PXDNL: variants seen among roughly 807,000 people sequenced by gnomAD.
PXDNL encodes the protein peroxidasin like, also known as probable oxidoreductase PXDNL.
A neutral mutation model predicts 150.8 loss-of-function variants in PXDNL; 145 were observed. The ratio of observed to expected loss-of-function variants is 0.96; its 90% CI spans 0.84 to 1.10. The LOEUF (loss-of-function observed/expected upper bound fraction) is 1.10, where lower values mean the gene tolerates loss of function less well. Among genes scored for constraint, PXDNL ranks in the 50% least tolerant of loss-of-function variants. The pLI, the probability that PXDNL is intolerant of heterozygous loss-of-function variation, is 0.00. For missense variants in PXDNL, 2,087 were observed against 1,873.9 expected (o/e 1.11, Z -2.10); for synonymous variants, 757 against 725.7 (o/e 1.04, Z -0.69).
At chr8:51,735,264 T>C (rs1817008251) in intron 1 of PXDNL, among the ~76,000 whole-genome samples, 1 of 151,952 alleles carries the variant, frequency 6.6e-6, no homozygotes, top group South Asian at 2.1e-4. Context: ...GTGGATCACT[T>C]GAGGTCAGGA....
At chr8:51,739,574 G>C (rs1230807102) in intron 1 of PXDNL, among the ~76,000 whole-genome samples, 2 of 152,126 alleles carry the variant, frequency 1.3e-5, no homozygotes, top group Non-Finnish European at 2.9e-5. Flanking sequence ...CAAGATTGCA[G>C]GATATAAGAT....
chr8:51,606,146 A>G (rs1813834605), intron 2 of PXDNL, among the ~76,000 whole-genome samples: 1 of 152,252 alleles, frequency 6.6e-6, no homozygotes, highest in African/African-American at 2.4e-5. Context: ...CAGCAAACGA[A>G]GAAAATCTCC....
chr8:51,679,297 T>TA (rs1815693359), intron 1 of PXDNL, among the ~76,000 whole-genome samples: 4 of 152,124 alleles, frequency 2.6e-5, no homozygotes, highest in Admixed American at 2.6e-4. Context: ...GCCTCGCACT[T>TA]ATAGTATTAT....
intron 1 of PXDNL, among the ~76,000 whole-genome samples, chr8:51,685,439 C>T (rs949899077): frequency 2.6e-5 from 4 of 152,202 alleles, no homozygotes; most frequent in Admixed American, 6.5e-5. Context: ...AAAGCCCTCA[C>T]GAGTAAAGCC....
chr8:51,371,686 G>A lies in PXDNL; in HGVS notation c.3901+187C>T, dbSNP rs538814133. On this transcript the variant is annotated intron_variant, in intron 19 of 22. Coordinates refer to ENST00000356297, the MANE Select transcript of PXDNL (RefSeq NM_144651.5). ...GGTTAGTGTGGAATGGAAGAGGATG[G>A]GCAGGTTGGGAGCCTTTTTCCTGGT... Among the ~76,000 whole-genome samples the A allele has an allele frequency of 2.2e-4, 33 of 152,258 alleles. 1 individual carries two copies. The highest frequency in any genetic ancestry group is 7.7e-4 in the African/African-American group (32 of 41,542).
At chr8:51,660,914 G>A (rs1001900709) in intron 1 of PXDNL, among the ~76,000 whole-genome samples, 10 of 152,024 alleles carry the variant, frequency 6.6e-5, no homozygotes, top group Non-Finnish European at 1.2e-4. Context: ...CCAGCTCCCC[G>A]CCACAACCCC....
At chr8:51,473,379 A>T (rs1251517360) in intron 7 of PXDNL, among the ~76,000 whole-genome samples, 1 of 151,954 alleles carries the variant, frequency 6.6e-6, no homozygotes, top group Admixed American at 6.6e-5. Flanking sequence ...GATTATAAAA[A>T]GGGACCTGAT....
intron 6 of PXDNL, 32 bp from the exon 7 acceptor site, chr8:51,475,173 A>C: frequency 3.8e-6 from 6 of 1,577,316 alleles, no homozygotes; most frequent in Non-Finnish European, 5.2e-6. Context: ...ACAACTGTTA[A>C]AAGGGACTAT....
chr8:51,711,192 G>C (rs375565201), intron 1 of PXDNL, among the ~76,000 whole-genome samples: 157 of 152,294 alleles, frequency 1.0e-3, no homozygotes, highest in African/African-American at 3.7e-3. Flanking sequence ...CCAGGCGGGA[G>C]TGCAATGGTG....
At chr8:51,627,654 G>C (rs750117500) in intron 2 of PXDNL, among the ~76,000 whole-genome samples, 2 of 152,102 alleles carry the variant, frequency 1.3e-5, no homozygotes, top group African/African-American at 4.8e-5. Flanking sequence ...CTCTAGGAAA[G>C]TCAAAGGTTT....
At chr8:51,502,771 C>T (rs1811213576) in intron 4 of PXDNL, among the ~76,000 whole-genome samples, 1 of 151,932 alleles carries the variant, frequency 6.6e-6, no homozygotes, top group East Asian at 1.9e-4. Context: ...TTCCTGCCAT[C>T]ATTGATCAAA....
At chr8:51,388,957 C>T (rs746843723) in intron 17 of PXDNL, among the ~76,000 whole-genome samples, 21 of 152,070 alleles carry the variant, frequency 1.4e-4, no homozygotes, top group Non-Finnish European at 2.6e-4. Context: ...TCTATTCATT[C>T]TCTTACTTAA....
chr8:51,627,778 C>T (rs948653708), intron 2 of PXDNL, among the ~76,000 whole-genome samples: 2 of 152,128 alleles, frequency 1.3e-5, no homozygotes, highest in Non-Finnish European at 2.9e-5. Context: ...CAAAGGTAGT[C>T]TTGAAATCAG....
chr8:51,424,964 G>A (rs16916238), intron 13 of PXDNL, among the ~76,000 whole-genome samples: 2,046 of 152,270 alleles, frequency 0.013, 45 homozygotes, highest in African/African-American at 0.046. Flanking sequence ...GTGAGAGGGC[G>A]GATGAGAGAG....
At chr8:51,555,384 G>A (rs114107826) in intron 4 of PXDNL, among the ~76,000 whole-genome samples, 134 of 152,176 alleles carry the variant, frequency 8.8e-4, no homozygotes, top group African/African-American at 3.2e-3. Flanking sequence ...TCTTAATGCT[G>A]CTACAATGGC....
At chr8:51,594,859 C>T (rs772364321) in intron 2 of PXDNL, among the ~76,000 whole-genome samples, 9 of 151,996 alleles carry the variant, frequency 5.9e-5, no homozygotes, top group Non-Finnish European at 2.9e-5. Context: ...AAAGAAAATG[C>T]ATTCAAAATG....
In PXDNL at chr8:51,409,326, C is replaced by A. The variant is rs570632612; in HGVS notation, c.2298G>T (p.Gly766=). Residue 766 remains glycine, a synonymous_variant, in exon 17 of 23, where the codon GGG becomes GGT. Coordinates refer to ENST00000356297, the MANE Select transcript of PXDNL (RefSeq NM_144651.5). The part of the protein sequence containing the change: ...AYRDGIRAPR[G]LGLPVGSRQP... ...GGCGGGAGCCCACAGGAAGGCCGAG[C>A]CCGCGGGGCGCGCGGATGCCGTCCC... 7 of 1,438,420 alleles carry A rather than the reference C, an allele frequency of 4.9e-6. No homozygotes were observed. The South Asian group carries it at 8.9e-5, about 18-fold the overall frequency. The allele number at this position is 1,438,420 out of a possible 1,614,324, so 89.1% of individuals were successfully genotyped here.
chr8:51,496,230 AC>A (rs1198379829), intron 5 of PXDNL, among the ~76,000 whole-genome samples: 1 of 152,050 alleles, frequency 6.6e-6, no homozygotes, highest in Non-Finnish European at 1.5e-5. Flanking sequence ...AAATTCAACA[AC>A]CTTCATGCTA....
rs185946590 is a variant in PXDNL at position 51,475,065 on chromosome 8, G to T, written c.601C>A (p.His201Asn). The T allele has an allele frequency of 3.8e-5, 62 of 1,613,858 alleles. No homozygotes were observed. The Admixed American group carries it at 6.8e-4, about 18-fold the overall frequency. ...GTAGCCGCAGCCTGGGTGTGGCCGTGTTGGGCAAAGCCTTGTAAAAGCTCC... is the reference window on the plus strand; with the variant it reads ...GTAGCCGCAGCCTGGGTGTGGCCGTTTTGGGCAAAGCCTTGTAAAAGCTCC... ...LGELLQGFAQHGHTQAAATCE... is the reference protein window; with the variant it reads ...LGELLQGFAQNGHTQAAATCE... The change falls in exon 7 of 23, where the codon CAC becomes AAC. Residue 201 changes from histidine (H) to asparagine (N), a missense_variant. By Grantham distance (68) the His-to-Asn change is moderately conservative. Transcript: ENST00000356297.
Sources: gnomAD v4.1 joint callset for allele counts (sites outside exome capture counted in the v4.1 genomes callset) on GRCh38, gnomAD v4.1.1 for gene constraint, MANE v1.5 for transcripts, NCBI Gene and HGNC (gene_info 2026-07-23, HGNC 2026-07-21) for gene names.